BRD3: variants seen among roughly 807,000 people sequenced by gnomAD.
The protein encoded by BRD3 is bromodomain containing 3.
BRD3 carries 17 observed loss-of-function variants against 66.8 expected under a neutral mutation model. The ratio of observed to expected loss-of-function variants is 0.25; its 90% CI spans 0.17 to 0.38. The LOEUF (loss-of-function observed/expected upper bound fraction) is 0.38. Ranked by LOEUF, BRD3 falls within the 10% of genes least tolerant of loss-of-function variation. The pLI is 1.00. For missense variants in BRD3, 713 were observed against 956.1 expected (o/e 0.75, Z 3.35); for synonymous variants, 421 against 393.2 (o/e 1.07, Z -0.84).
chr9:134,037,182 A>AT (rs1195067099), intron 9 of BRD3, among the ~76,000 whole-genome samples: 4 of 152,230 alleles, frequency 2.6e-5, no homozygotes, highest in African/African-American at 9.6e-5. Flanking sequence ...GTGAGAAAAA[A>AT]ATATACCATG....
At position 134,034,705 on chromosome 9, in the gene BRD3, C is replaced by G. The variant is rs1360534714; in HGVS notation, c.2061G>C (p.Arg687=). The change falls in exon 11 of 12, where the codon CGG becomes CGC. Residue 687 remains arginine (R), a synonymous_variant. Coordinates refer to ENST00000303407, the MANE Select transcript of BRD3 (RefSeq NM_007371.4). ...CACAGCGGCCGCCAGCGGTACCTTT[C>G]CGGGCGGGCTTCTTGCTGCTGCTCA... The part of the protein sequence containing the change: ...GQLSSSKKPA[R]KEKPGSAPSG... 6.2e-7 allele frequency: 1 copy of G among 1,604,576 alleles called. No homozygotes were observed. The highest frequency in any genetic ancestry group is 2.2e-5 in the East Asian group (1 of 44,880).
intron 9 of BRD3, among the ~76,000 whole-genome samples, chr9:134,037,666 G>A (rs927953199): frequency 6.6e-6 from 1 of 152,082 alleles, no homozygotes; most frequent in African/African-American, 2.4e-5. Flanking sequence ...TCTAAACTAA[G>A]CAAAGGAAAC....
At chr9:134,051,492 C>A (rs538002202) in intron 4 of BRD3, 70 bp downstream of exon 4, 12 of 1,412,698 alleles carry the variant, frequency 8.5e-6, no homozygotes, top group Non-Finnish European at 1.1e-5. Context: ...TAAAGGATCG[C>A]GTCCCAGCCC....
chr9:134,037,285 C>T (rs936869311), intron 9 of BRD3, among the ~76,000 whole-genome samples: 9 of 151,728 alleles, frequency 5.9e-5, no homozygotes, highest in South Asian at 2.1e-4. Context: ...AAAAGGACAA[C>T]GCAGGGCTGG....
At chr9:134,038,550 A>G (rs1391506416) in intron 9 of BRD3, among the ~76,000 whole-genome samples, 1 of 152,114 alleles carries the variant, frequency 6.6e-6, no homozygotes, top group Non-Finnish European at 1.5e-5. Flanking sequence ...TGGCCCTCCC[A>G]AAGTGCTGGG....
At position 134,033,716 on chromosome 9, in the gene BRD3, A is replaced by G; in HGVS notation, c.2066-11T>C. ...CTGAGCCGGGCTTCTCTGTGGAGAC[A>G]TGGGCAGGGAGATGCGCTCGCACAC... On this transcript the variant is annotated splice_polypyrimidine_tract_variant and intron_variant, in intron 11 of 11. Coordinates refer to ENST00000303407, the MANE Select transcript of BRD3 (RefSeq NM_007371.4). This position sits in a 1 kb window ranked among gnomAD's most constrained non-coding sequence, Gnocchi z 5.1. 1 of 723,390 alleles carries G rather than the reference A, an allele frequency of 1.4e-6. No individual in the cohort carries two copies. The highest frequency in any genetic ancestry group is 2.5e-6 in the Non-Finnish European group (1 of 392,412). 44.8% of individuals were successfully genotyped at this position (723,390 alleles called of 1,614,324 possible). A position where few individuals can be genotyped will look rare whatever the true frequency, so the allele number is the denominator to read the frequency against.
intron 4 of BRD3, 64 bp downstream of exon 4, chr9:134,051,498 A>T: frequency 6.9e-7 from 1 of 1,440,724 alleles, no homozygotes; most frequent in South Asian, 1.5e-5. Context: ...ATCGCGTCCC[A>T]GCCCATCCAC....
intron 6 of BRD3, among the ~76,000 whole-genome samples, chr9:134,047,536 G>A (rs1236463058): frequency 6.6e-6 from 1 of 152,212 alleles, no homozygotes; most frequent in East Asian, 1.9e-4. Context: ...CCAGGCAGAG[G>A]CTGCCGCCTT....
At chr9:134,056,468 A>T (rs1268820926) in intron 1 of BRD3, among the ~76,000 whole-genome samples, 1 of 152,194 alleles carries the variant, frequency 6.6e-6, no homozygotes, top group Non-Finnish European at 1.5e-5. Flanking sequence ...CCACACACTC[A>T]GATTTTGCAA....
At position 134,033,682 on chromosome 9, in the gene BRD3, C is replaced by A; in HGVS notation, c.2089G>T (p.Gly697Trp). 2.6e-6 allele frequency: 2 copies of A among 755,268 alleles called. No individual in the cohort carries two copies. Among genetic ancestry groups the A allele is most frequent in the South Asian group, 1.4e-5 (1 of 71,870 alleles). The allele number at this position is 755,268 out of a possible 1,614,324, so 46.8% of individuals were successfully genotyped here. ...RKEKPGSAPS[G>W]GPSRLSSSSS... ...CTGCTGCTGAGCCTGGACGGGCCCC[C>A]TGAGGGTGCTGAGCCGGGCTTCTCT... is the stretch of plus-strand genomic sequence containing the variant. Residue 697 changes from glycine (G) to tryptophan (W), a missense_variant, in exon 12 of 12, where the codon GGG becomes TGG. Gly to Trp is a radical substitution (Grantham distance 184). This residue lies in a region of BRD3 where 42 missense variants were observed against 29.2 expected (regional missense o/e 1.44). Coordinates refer to ENST00000303407, the MANE Select transcript of BRD3 (RefSeq NM_007371.4). The surrounding 1 kb of genome is among the most constrained non-coding windows in gnomAD (Gnocchi z 5.1).
chr9:134,051,540 C>G (rs762302392), intron 4 of BRD3, 22 bp downstream of exon 4: 1 of 1,512,796 alleles, frequency 6.6e-7, no homozygotes, highest in Non-Finnish European at 8.7e-7. Flanking sequence ...CCCAGCCCCT[C>G]GCCTGCCCCA....
intron 5 of BRD3, 133 bp from the exon 6 acceptor site, chr9:134,048,587 G>T: frequency 7.3e-7 from 1 of 1,370,962 alleles, no homozygotes; most frequent in Non-Finnish European, 1.0e-6. Flanking sequence ...GGCCCCACAG[G>T]AGAGGACACC....
intron 3 of BRD3, 48 bp from the exon 4 acceptor site, chr9:134,051,757 G>A: frequency 6.4e-7 from 1 of 1,557,452 alleles, no homozygotes; most frequent in South Asian, 1.2e-5. Context: ...GGAGCTGTGT[G>A]CTTGCAAAGG....
At position 134,040,247 on chromosome 9, in the gene BRD3, A is replaced by T; in HGVS notation, c.1430T>A (p.Leu477Gln). 6.3e-7 allele frequency: 1 copy of T among 1,595,298 alleles called. No homozygotes were observed. The highest frequency in any genetic ancestry group is 1.1e-5 in the South Asian group (1 of 88,370). The change falls in exon 9 of 12, where the codon CTG becomes CAG. Residue 477 changes from leucine (L) to glutamine (Q), a missense_variant. Transcript: ENST00000303407. ...QEQLKAVHEQLAALSQAPVNK... is the reference protein window; with the variant it reads ...QEQLKAVHEQQAALSQAPVNK... ...TACTGGGGCCTGAGACAGGGCGGCCAGCTGCTCGTGCACGGCCTTCAGCTG... is the reference window on the plus strand; with the variant it reads ...TACTGGGGCCTGAGACAGGGCGGCCTGCTGCTCGTGCACGGCCTTCAGCTG...
rs913396049 is a variant in BRD3, at chr9:134,045,938, T to C, written c.1087-517A>G. On this transcript the variant is annotated intron_variant, in intron 6 of 11. Coordinates refer to ENST00000303407, the MANE Select transcript of BRD3 (RefSeq NM_007371.4). This position sits in a 1 kb window ranked among gnomAD's most constrained non-coding sequence, Gnocchi z 4.8. Reference sequence around the variant, plus strand: ...TGCGTCTTACAGAAGCACCCTGGTATCCCAGGGGCCTAGCTGGACCTAAGG... The same window carrying C: ...TGCGTCTTACAGAAGCACCCTGGTACCCCAGGGGCCTAGCTGGACCTAAGG... 2.0e-5 allele frequency among the ~76,000 whole-genome samples: 3 copies of C among 152,192 alleles called. No homozygotes were observed. Among genetic ancestry groups the C allele is most frequent in the Non-Finnish European group, 4.4e-5 (3 of 68,014 alleles).
intron 1 of BRD3, among the ~76,000 whole-genome samples, chr9:134,056,493 C>T (rs1033064970): frequency 6.6e-6 from 1 of 152,212 alleles, no homozygotes; most frequent in African/African-American, 2.4e-5. Flanking sequence ...TCGAGGACAA[C>T]ACGATGCCAT....
intron 8 of BRD3, 126 bp from the exon 9 acceptor site, chr9:134,040,395 A>T: frequency 9.5e-7 from 1 of 1,052,832 alleles, no homozygotes; most frequent in Non-Finnish European, 1.4e-6. Context: ...GAGGAGGTGA[A>T]CCAGGAGCAC....
At position 134,030,657 on chromosome 9, in the gene BRD3, A is replaced by G. The variant is rs1843498159; in HGVS notation, c.*2933T>C. The G allele has an allele frequency of 4.4e-6, 1 of 229,492 alleles. No individual in the cohort carries two copies. Among genetic ancestry groups the G allele is most frequent in the South Asian group, 1.8e-4 (1 of 5,504 alleles). 14.2% of individuals were successfully genotyped at this position (229,492 alleles called of 1,614,324 possible). A position where few individuals can be genotyped will look rare whatever the true frequency, so the allele number is the denominator to read the frequency against. On this transcript the variant is annotated 3_prime_UTR_variant, in exon 12 of 12. Transcript: ENST00000303407. The stretch of plus-strand genomic sequence containing the variant: ...CTACTCTGGATGTGACAAATTCTGT[A>G]TGTGGGTGTTACTCTTTCCCAAAAG...
In BRD3 at chr9:134,053,430, C is replaced by T. The variant is rs779544871; in HGVS notation, c.48G>A (p.Pro16=). ...TVAPAGIPAT[P]GPVNPPPPEV... ...CCGGGGGGGGTGGGTTCACAGGGCC[C>T]GGGGTCGCCGGGATCCCCGCGGGGG... The change falls in exon 2 of 12, where the codon CCG becomes CCA. Residue 16 remains proline, a synonymous_variant. Transcript: ENST00000303407. The T allele has an allele frequency of 9.9e-6, 16 of 1,610,716 alleles. No homozygotes were observed. Among genetic ancestry groups the T allele is most frequent in the East Asian group, 2.2e-5 (1 of 44,864 alleles).
Sources: gnomAD v4.1 joint callset for allele counts (sites outside exome capture counted in the v4.1 genomes callset) on GRCh38, gnomAD v4.1.1 for gene constraint, gnomAD v4.1.1 regional missense constraint, Gnocchi (gnomAD v3.1) non-coding constraint, MANE v1.5 for transcripts, NCBI Gene and HGNC (gene_info 2026-07-23, HGNC 2026-07-21) for gene names.